Variants in RBBP8 observed in about 807,000 individuals in gnomAD.
RBBP8 encodes the protein DNA endonuclease RBBP8.
A neutral mutation model predicts 108.3 loss-of-function variants in RBBP8; 88 were observed. The ratio of observed to expected loss-of-function variants is 0.81; its 90% CI spans 0.68 to 0.97. The LOEUF is 0.97. Ranked by LOEUF, RBBP8 falls within the 50% of genes least tolerant of loss-of-function variation. RBBP8 has a pLI of 0.00. For missense variants in RBBP8, 1,023 were observed against 1,049.0 expected (o/e 0.98, Z 0.34); for synonymous variants, 332 against 348.2 (o/e 0.95, Z 0.52).
At position 22,993,579 on chromosome 18, in the gene RBBP8, T is replaced by G; in HGVS notation, c.1752T>G (p.Phe584Leu). The change falls in exon 11 of 19, where the codon TTT becomes TTG. Residue 584 changes from phenylalanine (F) to leucine (L), a missense_variant. Coordinates refer to ENST00000327155, the MANE Select transcript of RBBP8 (RefSeq NM_002894.3). The part of the protein sequence containing the change: ...SLQIKEENAV[F>L]KIPLRPRESL... Reference sequence around the variant, plus strand: ...AAATAAAAGAAGAAAATGCTGTCTTTAAAATTCCTCTACGTCCACGTGAAA... The same window carrying G: ...AAATAAAAGAAGAAAATGCTGTCTTGAAAATTCCTCTACGTCCACGTGAAA... 6.2e-7 allele frequency: 1 copy of G among 1,613,940 alleles called. No homozygotes were observed. The highest frequency in any genetic ancestry group is 8.5e-7 in the Non-Finnish European group (1 of 1,180,008).
At chr18:22,994,594 A>T (rs1044604941) in intron 12 of RBBP8, among the ~76,000 whole-genome samples, 1 of 149,050 alleles carries the variant, frequency 6.7e-6, no homozygotes, top group African/African-American at 2.5e-5. Flanking sequence ...GTGAGCCGAG[A>T]TCGTGCCACT....
chr18:22,936,919 T>A lies in RBBP8; in HGVS notation c.68T>A (p.Leu23His). 4 of 1,614,138 alleles carry A rather than the reference T, an allele frequency of 2.5e-6. No homozygotes were observed. The highest frequency in any genetic ancestry group is 2.5e-6 in the Non-Finnish European group (3 of 1,180,018). Residue 23 changes from leucine to histidine, a missense_variant, in exon 2 of 19, where the codon CTT becomes CAT. Leu to His is a moderately conservative substitution (Grantham distance 99). Coordinates refer to ENST00000327155, the MANE Select transcript of RBBP8 (RefSeq NM_002894.3). ...GATACATCTAGTGACTTTAAGGACC[T>A]TTGGACAAAACTAAAAGAATGTCAT... ...SADTSSDFKD[L>H]WTKLKECHDR...
At chr18:22,960,715 G>A (rs1372770659) in intron 4 of RBBP8, among the ~76,000 whole-genome samples, 2 of 152,140 alleles carry the variant, frequency 1.3e-5, no homozygotes, top group African/African-American at 4.8e-5. Context: ...TAAGATTATA[G>A]GAGTGAGCCA....
chr18:22,921,149 G>A (rs1476301478), intron 3 of RBBP8, among the ~76,000 whole-genome samples: 1 of 152,120 alleles, frequency 6.6e-6, no homozygotes, highest in Non-Finnish European at 1.5e-5. Context: ...TCTGGCTTAT[G>A]TGCGAGTTCT....
At chr18:23,006,963 G>T (rs1174629542) in intron 16 of RBBP8, among the ~76,000 whole-genome samples, 1 of 151,446 alleles carries the variant, frequency 6.6e-6, no homozygotes, top group East Asian at 1.9e-4. Context: ...TTTGGCAGTG[G>T]TAATAGTTAT....
chr18:22,984,690 A>G lies in RBBP8; in HGVS notation c.605-196A>G, dbSNP rs192257363. On this transcript the variant is annotated intron_variant, in intron 7 of 18. Coordinates refer to ENST00000327155, the MANE Select transcript of RBBP8 (RefSeq NM_002894.3). ...CCTCTCTCCCAATGTCTTAACTTAA[A>G]CAGCTTTGTTTCTTAGTGAAATTAA... Among the ~76,000 whole-genome samples the G allele has an allele frequency of 2.7e-3, 417 of 152,334 alleles. 2 individuals are homozygous for G. The highest frequency in any genetic ancestry group is 9.7e-3 in the African/African-American group (404 of 41,576).
chr18:22,973,462 CT>C (rs1328713911), intron 5 of RBBP8, among the ~76,000 whole-genome samples: 1 of 152,220 alleles, frequency 6.6e-6, no homozygotes, highest in East Asian at 1.9e-4. Context: ...TTGCCAAATA[CT>C]ATGATTCTGC....
intron 6 of RBBP8, among the ~76,000 whole-genome samples, chr18:22,976,485 G>C (rs1914506335): frequency 1.3e-5 from 2 of 152,072 alleles, no homozygotes; most frequent in South Asian, 4.1e-4. Context: ...GCAGAATGCT[G>C]TTTATAGTCT....
intron 8 of RBBP8, among the ~76,000 whole-genome samples, chr18:22,986,939 T>C (rs1915368725): frequency 6.6e-6 from 1 of 152,216 alleles, no homozygotes; most frequent in Non-Finnish European, 1.5e-5. Flanking sequence ...GTTCTGCTGC[T>C]GCCAGGTCTT....
chr18:22,989,978 T>C (rs1200411145), intron 9 of RBBP8, among the ~76,000 whole-genome samples: 3 of 152,236 alleles, frequency 2.0e-5, no homozygotes, highest in Non-Finnish European at 4.4e-5. Flanking sequence ...TGTACTCTTA[T>C]TAAGTTGTCT....
At chr18:23,010,821 G>T (rs778595653) in intron 16 of RBBP8, among the ~76,000 whole-genome samples, 1 of 152,144 alleles carries the variant, frequency 6.6e-6, no homozygotes, top group African/African-American at 2.4e-5. Context: ...TGGGAAGATG[G>T]ATTGTGTAGT....
chr18:22,969,219 A>G (rs1488128886), intron 5 of RBBP8, among the ~76,000 whole-genome samples: 1 of 151,674 alleles, frequency 6.6e-6, no homozygotes, highest in Non-Finnish European at 1.5e-5. Flanking sequence ...TTTGGTTTTA[A>G]TCTTTATTTC....
intron 3 of RBBP8, among the ~76,000 whole-genome samples, chr18:22,926,177 C>T (rs948264791): frequency 6.6e-6 from 1 of 152,240 alleles, no homozygotes; most frequent in African/African-American, 2.4e-5. Context: ...AACCCCAGCA[C>T]TTTGGGAGGC....
At chr18:23,024,347 T>A (rs1178924002) in intron 18 of RBBP8, among the ~76,000 whole-genome samples, 1 of 152,238 alleles carries the variant, frequency 6.6e-6, no homozygotes, top group Admixed American at 6.5e-5. Flanking sequence ...ACTCTTAGTT[T>A]TATGAAGAAT....
At chr18:22,944,139 T>TA (rs1911344080) in intron 2 of RBBP8, among the ~76,000 whole-genome samples, 1 of 152,256 alleles carries the variant, frequency 6.6e-6, no homozygotes, top group Non-Finnish European at 1.5e-5. Context: ...ATAGGGGTTC[T>TA]AATTGTAGAT....
intron 1 of RBBP8, among the ~76,000 whole-genome samples, chr18:22,914,543 T>C (rs917480279): frequency 1.3e-5 from 2 of 152,208 alleles, no homozygotes; most frequent in Admixed American, 1.3e-4. Context: ...ATGGCTATAG[T>C]CATTTTAAAA....
chr18:23,022,641 T>TAAAATAAAA (rs1568010219), intron 18 of RBBP8, among the ~76,000 whole-genome samples: 1 of 46,218 alleles, frequency 2.2e-5, no homozygotes, highest in Non-Finnish European at 5.3e-5. Flanking sequence ...ATAAAATAAA[T>TAAAATAAAA]AAAATACAAT....
At position 23,022,112 on chromosome 18, in the gene RBBP8, C is replaced by T. The variant is rs1044357188; in HGVS notation, c.2455-17C>T. On this transcript the variant is annotated splice_polypyrimidine_tract_variant and intron_variant, in intron 17 of 18. Transcript: ENST00000327155. The stretch of plus-strand genomic sequence containing the variant: ...TATTATTCTTTAGTGAAAAAACTTA[C>T]CAGTTTTTATTATTAGTATTATGCA... The T allele has an allele frequency of 6.4e-7, 1 of 1,571,564 alleles. No homozygotes were observed. The highest frequency in any genetic ancestry group is 8.8e-7 in the Non-Finnish European group (1 of 1,141,662).
At chr18:22,984,025 G>C (rs943384381) in intron 7 of RBBP8, among the ~76,000 whole-genome samples, 11 of 152,128 alleles carry the variant, frequency 7.2e-5, no homozygotes, top group African/African-American at 2.4e-4. Context: ...AGGTTGCAGT[G>C]AGCTGAGATC....
Sources: gnomAD v4.1 joint callset for allele counts (sites outside exome capture counted in the v4.1 genomes callset) on GRCh38, gnomAD v4.1.1 for gene constraint, MANE v1.5 for transcripts, NCBI Gene and HGNC (gene_info 2026-07-23, HGNC 2026-07-21) for gene names.